Variants in NRCAM observed in about 807,000 individuals in gnomAD.
NRCAM encodes the protein NgCAM-related cell adhesion molecule.
Under a neutral mutation model 156.5 loss-of-function variants are expected in NRCAM, and 83 were observed. That is an observed-to-expected ratio of 0.53 (90% CI 0.44 to 0.64). The LOEUF is 0.64. Ranked by LOEUF, NRCAM falls within the 30% of genes least tolerant of loss-of-function variation. NRCAM has a pLI of 0.00. For synonymous variants in NRCAM, 538 were observed against 563.9 expected, an observed-to-expected ratio of 0.95 and a Z score of 0.65; for missense variants, 1,417 against 1,597.3, an observed-to-expected ratio of 0.89 and a Z score of 1.92.
chr7:108,373,276 T>C lies in NRCAM; in HGVS notation c.-174+26160A>G, dbSNP rs143585942. Among the ~76,000 whole-genome samples, 7 of 152,314 alleles carry C rather than the reference T, an allele frequency of 4.6e-5. No individual in the cohort carries two copies. In the East Asian group the frequency reaches 1.4e-3, roughly 29 times the overall value. On this transcript the variant is annotated intron_variant, in intron 2 of 32. Transcript: ENST00000379028. ...GAAGAAGTTCTAGAGATCTGTCATA[T>C]GCCATTGTCCCTAAATTCAACAGTA... is the stretch of plus-strand genomic sequence containing the variant.
At chr7:108,269,499 C>T (rs571606060) in intron 3 of NRCAM, among the ~76,000 whole-genome samples, 9 of 152,002 alleles carry the variant, frequency 5.9e-5, no homozygotes, top group Admixed American at 2.0e-4. Context: ...ATCCAAGTCA[C>T]GCAGAAGGAA....
chr7:108,453,148 A>G (rs970759598), intron 1 of NRCAM, among the ~76,000 whole-genome samples: 2 of 152,228 alleles, frequency 1.3e-5, no homozygotes, highest in Non-Finnish European at 2.9e-5. Flanking sequence ...GTAAATATTT[A>G]TTAAAGAATG....
At position 108,200,290 on chromosome 7, in the gene NRCAM, T is replaced by A. The variant is rs1026119284; in HGVS notation, c.1208-2191A>T. ...GTCATAATTCCTTCAACAGGGTATA[T>A]AGATTCGTTGATAAAAGACAGCAGA... is the stretch of plus-strand genomic sequence containing the variant. On this transcript the variant is annotated intron_variant, in intron 13 of 32. Transcript: ENST00000379028. 3.3e-5 allele frequency among the ~76,000 whole-genome samples: 5 copies of A among 152,320 alleles called. No homozygotes were observed. The East Asian group carries it at 9.6e-4, about 29-fold the overall frequency.
At chr7:108,410,178 T>G (rs767065212) in intron 1 of NRCAM, among the ~76,000 whole-genome samples, 1 of 152,224 alleles carries the variant, frequency 6.6e-6, no homozygotes, top group Non-Finnish European at 1.5e-5. Context: ...AAAAACTTCA[T>G]TAAAGTACAG....
intron 3 of NRCAM, among the ~76,000 whole-genome samples, chr7:108,266,068 T>C (rs932422546): frequency 6.6e-6 from 1 of 152,212 alleles, no homozygotes; most frequent in Admixed American, 6.5e-5. Context: ...CTTTTTTTCA[T>C]AGTATTAATG....
intron 3 of NRCAM, among the ~76,000 whole-genome samples, chr7:108,303,341 C>T (rs1402398726): frequency 1.3e-5 from 2 of 152,138 alleles, no homozygotes; most frequent in African/African-American, 4.8e-5. Context: ...CCTTGCTCTT[C>T]CTCATTCTTC....
At chr7:108,439,563 AAGAC>A (rs1008983084) in intron 1 of NRCAM, among the ~76,000 whole-genome samples, 25 of 152,166 alleles carry the variant, frequency 1.6e-4, no homozygotes, top group African/African-American at 4.1e-4. Context: ...CATAATAAAA[AAGAC>A]AGGCAAGCCG....
intron 3 of NRCAM, among the ~76,000 whole-genome samples, chr7:108,257,431 T>C (rs147678809): frequency 4.6e-5 from 7 of 152,324 alleles, no homozygotes; most frequent in South Asian, 2.1e-4. Context: ...GATACATTCA[T>C]AGCCTTTGCC....
chr7:108,426,928 T>C (rs995088355), intron 1 of NRCAM, among the ~76,000 whole-genome samples: 4 of 152,238 alleles, frequency 2.6e-5, no homozygotes, highest in Non-Finnish European at 4.4e-5. Context: ...TCAAAGTCTG[T>C]TATTGCTCCC....
At chr7:108,361,988 A>G (rs181322791) in intron 2 of NRCAM, among the ~76,000 whole-genome samples, 2 of 152,286 alleles carry the variant, frequency 1.3e-5, no homozygotes, top group East Asian at 1.9e-4. Context: ...ACGTATGTCA[A>G]CATAAAAACC....
chr7:108,261,315 C>T (rs1355107753), intron 3 of NRCAM, among the ~76,000 whole-genome samples: 1 of 152,172 alleles, frequency 6.6e-6, no homozygotes, highest in African/African-American at 2.4e-5. Context: ...CCAAGCACTG[C>T]TCTCTTTGTT....
intron 2 of NRCAM, among the ~76,000 whole-genome samples, chr7:108,368,223 T>TTC (rs567741253): frequency 8.5e-5 from 3 of 35,168 alleles, no homozygotes; most frequent in South Asian, 2.3e-3. Context: ...CACACTTTCA[T>TTC]ACCCCCCCCC....
At position 108,182,825 on chromosome 7, in the gene NRCAM, C is replaced by T. The variant is rs2064254712; in HGVS notation, c.2400G>A (p.Val800=). 6.2e-7 allele frequency: 1 copy of T among 1,614,224 alleles called. No individual in the cohort carries two copies. The highest frequency in any genetic ancestry group is 8.5e-7 in the Non-Finnish European group (1 of 1,180,036). The change falls in exon 23 of 33, where the codon GTG becomes GTA. Residue 800 remains valine, a synonymous_variant. Coordinates refer to ENST00000379028, the MANE Select transcript of NRCAM (RefSeq NM_001037132.4). The part of the protein sequence containing the change: ...DGDDEWTSVV[V]ANVSKYIVSG... ...AGACAATATATTTGGATACATTTGC[C>T]ACAACCACAGATGTCCATTCATCAT...
chr7:108,316,361 A>G (rs2098920591), intron 2 of NRCAM, among the ~76,000 whole-genome samples: 1 of 152,226 alleles, frequency 6.6e-6, no homozygotes, highest in Non-Finnish European at 1.5e-5. Flanking sequence ...CTCCAGAACC[A>G]TGAGCCAAAT....
At chr7:108,219,297 A>G (rs898846011) in intron 11 of NRCAM, among the ~76,000 whole-genome samples, 5 of 152,140 alleles carry the variant, frequency 3.3e-5, no homozygotes, top group Non-Finnish European at 7.4e-5. Context: ...ATTGGTACCA[A>G]TCCTTTTGAC....
chr7:108,180,336 C>A lies in NRCAM; in HGVS notation c.2738G>T (p.Gly913Val). 6.2e-7 allele frequency: 1 copy of A among 1,614,182 alleles called. No homozygotes were observed. Among genetic ancestry groups the A allele is most frequent in the Non-Finnish European group, 8.5e-7 (1 of 1,179,988 alleles). Reference sequence around the variant, plus strand: ...AAAGGGCTCTAGCCCCGGCAACATGCCATGAGTCTTGCTGCCTTGGAAGGT... The same window carrying A: ...AAAGGGCTCTAGCCCCGGCAACATGACATGAGTCTTGCTGCCTTGGAAGGT... The part of the protein sequence containing the change: ...ILTFQGSKTH[G>V]MLPGLEPFSH... The change falls in exon 25 of 33, where the codon GGC becomes GTC. Residue 913 changes from glycine (G) to valine (V), a missense_variant. Gly to Val is a moderately radical substitution (Grantham distance 109). This residue lies in a region of NRCAM where 1,238 missense variants were observed against 1,336.4 expected (regional missense o/e 0.93). Transcript: ENST00000379028.
chr7:108,375,708 A>G (rs556923828), intron 2 of NRCAM, among the ~76,000 whole-genome samples: 1 of 152,302 alleles, frequency 6.6e-6, no homozygotes, highest in African/African-American at 2.4e-5. Context: ...AAGTATACGG[A>G]AATTAGTTAA....
At chr7:108,167,765 G>A (rs1231354892) in intron 29 of NRCAM, among the ~76,000 whole-genome samples, 1 of 152,126 alleles carries the variant, frequency 6.6e-6, no homozygotes, top group Non-Finnish European at 1.5e-5. Flanking sequence ...CAGGATCTAC[G>A]AAGAGTGCCT....
At chr7:108,350,765 CTTCT>C (rs935784846) in intron 2 of NRCAM, among the ~76,000 whole-genome samples, 1 of 151,892 alleles carries the variant, frequency 6.6e-6, no homozygotes, top group African/African-American at 2.4e-5. Flanking sequence ...TCTTTCTTTC[CTTCT>C]ATCTTTTTAA....
Sources: allele counts gnomAD v4.1 joint callset (sites outside exome capture counted in the v4.1 genomes callset), GRCh38; gene constraint gnomAD v4.1.1; regional missense constraint gnomAD v4.1.1; transcripts MANE v1.5; gene names NCBI Gene and HGNC (gene_info 2026-07-23, HGNC 2026-07-21).